Variants in GPM6A observed in about 807,000 individuals in gnomAD.
The protein encoded by GPM6A is glycoprotein M6A.
A neutral mutation model predicts 32.1 loss-of-function variants in GPM6A; 7 were observed. That is an observed-to-expected ratio of 0.22 (90% confidence interval 0.12 to 0.41). GPM6A has a LOEUF of 0.41. Ranked by LOEUF, GPM6A falls within the 10% of genes least tolerant of loss-of-function variation. The pLI is 1.00. For missense variants in GPM6A, 235 were observed against 347.2 expected (o/e 0.68, Z 2.57); for synonymous variants, 130 against 123.4 (o/e 1.05, Z -0.35).
At chr4:175,651,755 A>T in intron 4 of GPM6A, 79 bp downstream of exon 4, 2 of 1,062,894 alleles carry the variant, frequency 1.9e-6, no homozygotes, top group East Asian at 2.4e-5. Context: ...AAAGTGATCT[A>T]TAATATTTTA....
chr4:175,704,023 A>G (rs1745022128), intron 1 of GPM6A, among the ~76,000 whole-genome samples: 1 of 152,224 alleles, frequency 6.6e-6, no homozygotes, highest in Non-Finnish European at 1.5e-5. Flanking sequence ...TGCTTAAGTC[A>G]TAGGAAGATC....
chr4:175,886,162 G>A (rs570981134), intron 1 of GPM6A, among the ~76,000 whole-genome samples: 16 of 152,042 alleles, frequency 1.1e-4, no homozygotes, highest in Non-Finnish European at 2.1e-4. Flanking sequence ...TCAGATGCAG[G>A]AAGAACAGTC....
chr4:175,775,134 A>C (rs902572497), intron 1 of GPM6A, among the ~76,000 whole-genome samples: 50 of 152,272 alleles, frequency 3.3e-4, no homozygotes, highest in African/African-American at 1.2e-3. Context: ...CTTTGGAAGT[A>C]TTTAGAATTG....
At chr4:175,724,770 G>T (rs1048562746) in intron 1 of GPM6A, among the ~76,000 whole-genome samples, 8 of 152,058 alleles carry the variant, frequency 5.3e-5, no homozygotes, top group African/African-American at 1.9e-4. Flanking sequence ...TCTAAAACCC[G>T]CAGTAGCTTC....
chr4:175,720,362 T>G (rs925379734), intron 1 of GPM6A, among the ~76,000 whole-genome samples: 1 of 152,208 alleles, frequency 6.6e-6, no homozygotes, highest in Non-Finnish European at 1.5e-5. Context: ...AAGCTCATTT[T>G]CAATTCCTAT....
intron 1 of GPM6A, chr4:175,811,880 G>GC (rs1207616683): frequency 1.4e-5 from 3 of 212,530 alleles, no homozygotes; most frequent in Non-Finnish European, 2.8e-5. Flanking sequence ...ACCCAGCTCG[G>GC]CAAGTGTGAA....
intron 1 of GPM6A, among the ~76,000 whole-genome samples, chr4:175,737,593 A>G (rs1052960721): frequency 6.6e-6 from 1 of 152,238 alleles, no homozygotes; most frequent in African/African-American, 2.4e-5. Flanking sequence ...TCCACATTAC[A>G]TGTGTTTTCC....
At chr4:175,796,239 G>C (rs571827338) in intron 1 of GPM6A, among the ~76,000 whole-genome samples, 1 of 152,228 alleles carries the variant, frequency 6.6e-6, no homozygotes, top group South Asian at 2.1e-4. Context: ...ATCAATAAGA[G>C]TTATATTTAT....
At chr4:175,691,884 C>T (rs910430330) in intron 2 of GPM6A, among the ~76,000 whole-genome samples, 12 of 152,160 alleles carry the variant, frequency 7.9e-5, no homozygotes, top group African/African-American at 2.9e-4. Context: ...GGGTCAAGTT[C>T]AGAGTGAGAT....
chr4:175,875,194 C>T (rs993035444), intron 1 of GPM6A, among the ~76,000 whole-genome samples: 40 of 152,264 alleles, frequency 2.6e-4, no homozygotes, highest in African/African-American at 8.7e-4. Context: ...AGGTTTCTGC[C>T]GAAGAATGAT....
At chr4:175,852,213 GAATA>G (rs1736280941) in intron 1 of GPM6A, among the ~76,000 whole-genome samples, 1 of 151,908 alleles carries the variant, frequency 6.6e-6, no homozygotes, top group Non-Finnish European at 1.5e-5. Flanking sequence ...AGTTTGGAAT[GAATA>G]AATAAATAAG....
chr4:175,722,599 C>T (rs1560896589), intron 1 of GPM6A, among the ~76,000 whole-genome samples: 1 of 152,048 alleles, frequency 6.6e-6, no homozygotes, highest in African/African-American at 2.4e-5. Context: ...CTTTTACCAA[C>T]CTGTGAGTGG....
chr4:175,821,061 G>C (rs913217885), intron 1 of GPM6A, among the ~76,000 whole-genome samples: 2 of 152,152 alleles, frequency 1.3e-5, no homozygotes, highest in Non-Finnish European at 2.9e-5. Context: ...AATAATATGT[G>C]TGTTAAAAAG....
chr4:175,696,436 T>C (rs183774352), intron 2 of GPM6A, among the ~76,000 whole-genome samples: 26 of 152,342 alleles, frequency 1.7e-4, no homozygotes, highest in Admixed American at 3.9e-4. Flanking sequence ...TTGTTGTTAT[T>C]TCATATTGGT....
intron 1 of GPM6A, among the ~76,000 whole-genome samples, chr4:175,729,016 G>T (rs1427104640): frequency 6.6e-6 from 1 of 152,128 alleles, no homozygotes; most frequent in Admixed American, 6.6e-5. Context: ...GGTTCCAACT[G>T]CTCAAAGTGA....
chr4:175,996,261 T>C (rs909760317), intron 1 of GPM6A, among the ~76,000 whole-genome samples: 3 of 152,144 alleles, frequency 2.0e-5, no homozygotes, highest in Non-Finnish European at 4.4e-5. Context: ...TAAAAGGAGA[T>C]TTACATGAAG....
At chr4:175,801,970 G>A (rs1734490225) in intron 1 of GPM6A, among the ~76,000 whole-genome samples, 1 of 151,966 alleles carries the variant, frequency 6.6e-6, no homozygotes, top group Non-Finnish European at 1.5e-5. Context: ...GCTCCTTTTA[G>A]ACCTTTGGTA....
At chr4:175,941,892 A>G (rs1739424320) in intron 1 of GPM6A, among the ~76,000 whole-genome samples, 1 of 152,200 alleles carries the variant, frequency 6.6e-6, no homozygotes, top group Non-Finnish European at 1.5e-5. Flanking sequence ...TTGGGTATAT[A>G]CCCAGTAATG....
At chr4:175,992,820 A>T (rs892560860) in intron 1 of GPM6A, among the ~76,000 whole-genome samples, 2 of 152,214 alleles carry the variant, frequency 1.3e-5, no homozygotes, top group Admixed American at 1.3e-4. Flanking sequence ...CAACTTCACG[A>T]GACATACTGT....
Sources: allele counts gnomAD v4.1 joint callset (sites outside exome capture counted in the v4.1 genomes callset), GRCh38; gene constraint gnomAD v4.1.1; transcripts MANE v1.5; gene names NCBI Gene and HGNC (gene_info 2026-07-23, HGNC 2026-07-21).